The following SLC27A5 variants were observed in gnomAD, a reference collection of about 807,000 sequenced individuals.
SLC27A5 encodes solute carrier family 27 member 5.
SLC27A5 carries 47 observed loss-of-function variants against 63.1 expected under a neutral mutation model. That is an observed-to-expected ratio of 0.74 (90% CI 0.59 to 0.95). The LOEUF (loss-of-function observed/expected upper bound fraction) is 0.95. SLC27A5 is among the 40% of genes least tolerant of loss of function. The probability of loss-of-function intolerance (pLI) is 0.00; values close to 1 mark genes in which losing one functional copy is unlikely to be tolerated. For synonymous variants in SLC27A5, 391 were observed against 403.8 expected (o/e 0.97, Z 0.38); for missense variants, 940 against 921.0 (o/e 1.02, Z -0.27).
intron 3 of SLC27A5, among the ~76,000 whole-genome samples, chr19:58,502,988 C>T (rs1026011814): frequency 2.6e-5 from 4 of 151,986 alleles, no homozygotes; most frequent in Non-Finnish European, 5.9e-5. Context: ...GGGCGGATCA[C>T]GAGGTCAGGA....
intron 3 of SLC27A5, among the ~76,000 whole-genome samples, chr19:58,503,578 G>A (rs933114047): frequency 2.0e-5 from 3 of 152,020 alleles, no homozygotes; most frequent in Non-Finnish European, 2.9e-5. Flanking sequence ...TGGAAGAATC[G>A]CTTGAACCCA....
Position 58,498,860 on chromosome 19 carries a change from G to GA in SLC27A5, c.1820dup (p.Asp608ArgfsTer44). 2.5e-6 allele frequency: 4 copies of GA among 1,613,806 alleles called. No individual in the cohort carries two copies. In the South Asian group the frequency reaches 4.4e-5, roughly 18 times the overall value. On this transcript the variant is annotated frameshift_variant, in exon 9 of 10. Coordinates refer to ENST00000263093, the MANE Select transcript of SLC27A5 (RefSeq NM_012254.3). LOFTEE classifies it high-confidence loss of function. The stretch of plus-strand genomic sequence containing the variant: ...CGTGCTGGTACAACTTCTCCCCGTC[G>GA]AAAGTCTGGCCGGGGGCTAGCTGCA...
chr19:58,510,580 A>C, intron 2 of SLC27A5, 141 bp downstream of exon 2: 2 of 806,126 alleles, frequency 2.5e-6, no homozygotes, highest in South Asian at 2.1e-5. Context: ...CCTCGAAAAA[A>C]AAAACAGCCA....
At chr19:58,509,135 C>G (rs1600043987) in intron 3 of SLC27A5, 1 of 150,256 alleles carries the variant, frequency 6.7e-6, no homozygotes, top group Non-Finnish European at 1.5e-5. Flanking sequence ...CACCTGTAAT[C>G]TCAGCACTTT....
In SLC27A5 at chr19:58,511,827, G is replaced by A. The variant is rs201065120; in HGVS notation, c.129C>T (p.Cys43=). The A allele has an allele frequency of 1.3e-5, 20 of 1,559,092 alleles. No homozygotes were observed. The East Asian group carries it at 1.4e-4, about 11-fold the overall frequency. The change falls in exon 1 of 10, where the codon TGC becomes TGT. Residue 43 remains cysteine (C), a synonymous_variant. Coordinates refer to ENST00000263093, the MANE Select transcript of SLC27A5 (RefSeq NM_012254.3). The part of the protein sequence containing the change: ...LRWLLGDPTC[C]VLLGLAMLAR... Reference sequence around the variant, plus strand: ...CTAACATGGCCAGCCCAAGTAGCACGCAACATGTGGGATCCCCCAGGAGCC... The same window carrying A: ...CTAACATGGCCAGCCCAAGTAGCACACAACATGTGGGATCCCCCAGGAGCC...
At chr19:58,501,449 C>A (rs1274687089) in intron 3 of SLC27A5, 39 bp from the exon 4 acceptor site, 3 of 1,604,346 alleles carry the variant, frequency 1.9e-6, no homozygotes, top group South Asian at 2.2e-5. Context: ...GGTCATGCTT[C>A]CAAATTGTTG....
At chr19:58,500,291 G>T in intron 6 of SLC27A5, 48 bp downstream of exon 6, 1 of 1,486,896 alleles carries the variant, frequency 6.7e-7, no homozygotes, top group Non-Finnish European at 9.3e-7. Context: ...GCAGAAGACT[G>T]AGGGTCGCCA....
intron 2 of SLC27A5, 133 bp from the exon 3 acceptor site, chr19:58,510,138 G>A (rs1238577959): frequency 1.1e-6 from 1 of 877,410 alleles, no homozygotes. Flanking sequence ...CAAGTATAGG[G>A]ATTTGTGGTT....
intron 3 of SLC27A5, among the ~76,000 whole-genome samples, chr19:58,502,956 C>T (rs539519595): frequency 6.6e-6 from 1 of 152,124 alleles, no homozygotes; most frequent in Admixed American, 6.5e-5. Context: ...CCTGTAATCC[C>T]AGGACTTAGG....
rs1204640161 is a variant in SLC27A5 at position 58,511,703 on chromosome 19, G to A, written c.253C>T (p.Arg85Cys). 16 of 1,564,176 alleles carry A rather than the reference G, an allele frequency of 1.0e-5. No homozygotes were observed. Among genetic ancestry groups the A allele is most frequent in the South Asian group, 3.5e-5 (3 of 85,494 alleles). The change falls in exon 1 of 10, where the codon CGC becomes TGC. Residue 85 changes from arginine to cysteine, a missense_variant. Arg to Cys is a radical substitution (Grantham distance 180, BLOSUM62 -3). Transcript: ENST00000263093. ...AAGATCACATCAGCCGGCAGCCAGC[G>A]TAGTCCTGGGGGCAGCCGTGCTGGC... Reference protein sequence around the residue: ...LLPARLPPGLRWLPADVIFLA... With the variant: ...LLPARLPPGLCWLPADVIFLA...
At chr19:58,510,234 G>T in intron 2 of SLC27A5, 1 of 488,772 alleles carries the variant, frequency 2.0e-6, no homozygotes, top group Non-Finnish European at 3.6e-6. Context: ...GAAGAATTCT[G>T]GCATTGACCT....
rs748955596 is a variant in SLC27A5 at position 58,511,288 on chromosome 19, C to T, written c.668G>A (p.Arg223Gln). The stretch of plus-strand genomic sequence containing the variant: ...CTCACCTGGGTCCACCACCAGCACC[C>T]GGGCCCCAGAGCTCAGCACAGAGTG... ...LAHSVLSSGA[R>Q]VLVVDPDLRE... The change falls in exon 1 of 10, where the codon CGG becomes CAG. Residue 223 changes from arginine (R) to glutamine (Q), a missense_variant. By Grantham distance (43) the Arg-to-Gln change is conservative. Transcript: ENST00000263093. 23 of 1,553,004 alleles carry T rather than the reference C, an allele frequency of 1.5e-5. No homozygotes were observed. Among genetic ancestry groups the T allele is most frequent in the African/African-American group, 2.7e-5 (2 of 73,720 alleles).
At position 58,498,932 on chromosome 19, in the gene SLC27A5, TCA is replaced by T. The variant is rs757262114; in HGVS notation, c.1766-19_1766-18del. On this transcript the variant is annotated intron_variant, in intron 8 of 9. Coordinates refer to ENST00000263093, the MANE Select transcript of SLC27A5 (RefSeq NM_012254.3). ...CCTCACAACCTAGAGAGCAGTCTGG[TCA>T]CTCTCGGCTGACCCATCTCGAGGGC... 2.2e-5 allele frequency: 36 copies of T among 1,607,642 alleles called. No homozygotes were observed. In the South Asian group the frequency reaches 4.0e-4, roughly 18 times the overall value.
intron 3 of SLC27A5, among the ~76,000 whole-genome samples, chr19:58,501,625 G>A (rs1568628163): frequency 2.0e-5 from 3 of 152,148 alleles, no homozygotes; most frequent in African/African-American, 2.4e-5. Context: ...GGAAAGCTCC[G>A]TGCCTGTTAT....
chr19:58,505,228 T>C (rs962206016), intron 3 of SLC27A5, among the ~76,000 whole-genome samples: 1 of 150,824 alleles, frequency 6.6e-6, no homozygotes, highest in Admixed American at 6.6e-5. Flanking sequence ...GCCTCCCTGG[T>C]AGCTGGAAAT....
At chr19:58,499,062 C>G in intron 8 of SLC27A5, 61 bp downstream of exon 8, 2 of 1,606,914 alleles carry the variant, frequency 1.2e-6, no homozygotes, top group Non-Finnish European at 8.5e-7. Context: ...CCTGTAAAAT[C>G]AGAATAACGA....
chr19:58,500,273 C>G lies in SLC27A5; in HGVS notation c.1468+66G>C. On this transcript the variant is annotated intron_variant, in intron 6 of 9. Coordinates refer to ENST00000263093, the MANE Select transcript of SLC27A5 (RefSeq NM_012254.3). Reference sequence around the variant, plus strand: ...ACGTCAAGCTTTTGAGCAGCTCGTTCCAGCCAAGCAGAAGACTGAGGGTCG... The same window carrying G: ...ACGTCAAGCTTTTGAGCAGCTCGTTGCAGCCAAGCAGAAGACTGAGGGTCG... The G allele has an allele frequency of 2.2e-6, 3 of 1,365,984 alleles. No individual in the cohort carries two copies. In the South Asian group the frequency reaches 3.5e-5, roughly 16 times the overall value. 84.6% of individuals were successfully genotyped at this position (1,365,984 alleles called of 1,614,324 possible). A position where few individuals can be genotyped will look rare whatever the true frequency, so the allele number is the denominator to read the frequency against.
intron 3 of SLC27A5, 76 bp downstream of exon 3, chr19:58,509,771 T>C: frequency 1.4e-6 from 2 of 1,396,836 alleles, no homozygotes; most frequent in Non-Finnish European, 1.9e-6. Flanking sequence ...ATGGTGTCTT[T>C]TTGCCTTGAC....
intron 8 of SLC27A5, 63 bp downstream of exon 8, chr19:58,499,060 A>G: frequency 6.2e-7 from 1 of 1,607,090 alleles, no homozygotes; most frequent in Non-Finnish European, 8.5e-7. Context: ...CACCTGTAAA[A>G]TCAGAATAAC....
Sources: gnomAD v4.1 joint callset for allele counts (sites outside exome capture counted in the v4.1 genomes callset) on GRCh38, gnomAD v4.1.1 for gene constraint, MANE v1.5 for transcripts, NCBI Gene and HGNC (gene_info 2026-07-23, HGNC 2026-07-21) for gene names.